The following PCDH15 variants were observed in gnomAD, a reference collection of about 807,000 sequenced individuals.
PCDH15 encodes protocadherin related 15, also known as protocadherin-15.
In PCDH15, 129 loss-of-function variants were observed where a neutral mutation model predicts 178.5. That is an observed-to-expected ratio of 0.72 (90% CI 0.63 to 0.84). The LOEUF is 0.84. Ranked by LOEUF, PCDH15 falls within the 40% of genes least tolerant of loss-of-function variation. The pLI is 0.00. For synonymous variants in PCDH15, 800 were observed against 732.0 expected (o/e 1.09, Z -1.50); for missense variants, 2,230 against 2,099.9 (o/e 1.06, Z -1.21).
At chr10:54,014,949 G>A (rs564839830) in intron 20 of PCDH15, among the ~76,000 whole-genome samples, 82 of 152,186 alleles carry the variant, frequency 5.4e-4, no homozygotes, top group African/African-American at 2.0e-3. Context: ...CACCCAATTA[G>A]GAAGAGAGGA....
intron 1 of PCDH15, among the ~76,000 whole-genome samples, chr10:55,263,126 A>G (rs1421390240): frequency 6.6e-6 from 1 of 152,170 alleles, no homozygotes; most frequent in East Asian, 1.9e-4. Flanking sequence ...GTGAAACTAT[A>G]GAATCAGTCT....
At chr10:54,247,935 AAT>A (rs147562225) in intron 8 of PCDH15, among the ~76,000 whole-genome samples, 7,437 of 139,126 alleles carry the variant, frequency 0.053, 467 homozygotes, top group African/African-American at 0.16. Context: ...TGCATGAAAG[AAT>A]ATATATATAT....
chr10:54,786,334 C>T (rs927957201), intron 1 of PCDH15, among the ~76,000 whole-genome samples: 1 of 152,136 alleles, frequency 6.6e-6, no homozygotes, highest in South Asian at 2.1e-4. Context: ...TACTACTTCA[C>T]TCTATTCCAC....
rs575193025 is a variant in PCDH15, at chr10:54,115,033, C to A, written c.1917+17842G>T. ...TGCAACTGACCACAAAAGGGCAGGGCGGTGGGCTGGAGCAGTCCAGTAGGG... is the reference window on the plus strand; with the variant it reads ...TGCAACTGACCACAAAAGGGCAGGGAGGTGGGCTGGAGCAGTCCAGTAGGG... On this transcript the variant is annotated intron_variant, in intron 15 of 37. Transcript: ENST00000644397. Among the ~76,000 whole-genome samples the A allele has an allele frequency of 4.6e-5, 7 of 152,148 alleles. No individual in the cohort carries two copies. The East Asian group carries it at 1.2e-3, about 25-fold the overall frequency.
At chr10:54,570,829 C>T (rs11004391) in intron 2 of PCDH15, among the ~76,000 whole-genome samples, 138,082 of 147,646 alleles carry the variant, frequency 0.94, 64,837 homozygotes, top group Non-Finnish European at 0.98. Context: ...TTTTTTTTTT[C>T]TTTTTTTTTT....
At chr10:54,678,745 T>C (rs1357007347) in intron 1 of PCDH15, among the ~76,000 whole-genome samples, 2 of 152,184 alleles carry the variant, frequency 1.3e-5, no homozygotes, top group Non-Finnish European at 2.9e-5. Flanking sequence ...CATAATATTA[T>C]ATCTGTAATA....
chr10:54,995,415 A>G (rs918303807), intron 2 of PCDH15, among the ~76,000 whole-genome samples: 1 of 149,984 alleles, frequency 6.7e-6, no homozygotes, highest in Admixed American at 6.6e-5. Context: ...AAGAAGGAAA[A>G]AAATTATCTT....
chr10:53,821,757 G>A (rs764327059), intron 32 of PCDH15: 8 of 1,556,288 alleles, frequency 5.1e-6, no homozygotes, highest in Non-Finnish European at 6.9e-6. Context: ...CATTGAATTT[G>A]GGGTAAAATA....
At chr10:53,897,560 C>T (rs530470737) in intron 26 of PCDH15, among the ~76,000 whole-genome samples, 45 of 151,252 alleles carry the variant, frequency 3.0e-4, no homozygotes, top group African/African-American at 1.0e-3. Flanking sequence ...GCATTTCAAC[C>T]ACTTTTCAGT....
At chr10:54,084,508 C>A (rs2094487509) in intron 16 of PCDH15, among the ~76,000 whole-genome samples, 1 of 151,922 alleles carries the variant, frequency 6.6e-6, no homozygotes, top group African/African-American at 2.4e-5. Context: ...AAAATTATCA[C>A]CTGTAGTCCC....
chr10:55,272,542 C>T (rs556835667), intron 1 of PCDH15, among the ~76,000 whole-genome samples: 42 of 151,852 alleles, frequency 2.8e-4, no homozygotes, highest in South Asian at 2.1e-4. Flanking sequence ...CCACCACACC[C>T]GGCTAATTTT....
At chr10:55,379,546 C>T (rs1837483522) in intron 2 of PCDH15, among the ~76,000 whole-genome samples, 1 of 151,896 alleles carries the variant, frequency 6.6e-6, no homozygotes, top group South Asian at 2.1e-4. Context: ...TTTAAAAACA[C>T]TACTTTATAT....
intron 21 of PCDH15, among the ~76,000 whole-genome samples, chr10:53,970,028 A>G (rs2926407): frequency 0.71 from 107,283 of 151,996 alleles, 38,247 homozygotes; most frequent in East Asian, 0.87. Flanking sequence ...TTAAATGTAA[A>G]TGGGCTGAAT....
chr10:54,909,177 C>A (rs61854520), intron 2 of PCDH15, among the ~76,000 whole-genome samples: 25,522 of 152,102 alleles, frequency 0.17, 2,716 homozygotes, highest in Non-Finnish European at 0.23. Context: ...AAAGGCACCA[C>A]GAGTTCTCAC....
intron 1 of PCDH15, among the ~76,000 whole-genome samples, chr10:55,280,564 C>T (rs1043280158): frequency 6.6e-6 from 1 of 150,500 alleles, no homozygotes; most frequent in Non-Finnish European, 1.5e-5. Flanking sequence ...GCTGGGATTA[C>T]AGGCGTGAGC....
intron 2 of PCDH15, among the ~76,000 whole-genome samples, chr10:55,129,353 C>G (rs1394825677): frequency 1.3e-5 from 2 of 152,048 alleles, no homozygotes; most frequent in African/African-American, 4.8e-5. Context: ...TTCCCAATGC[C>G]AGAGAAGAAC....
At chr10:55,323,493 A>G (rs115099114), upstream of PCDH15, among the ~76,000 whole-genome samples, 1,922 of 152,344 alleles carry the variant, frequency 0.013, 33 homozygotes, top group African/African-American at 0.044. Flanking sequence ...AGAGCTGCCC[A>G]AGATCATGGG....
At chr10:54,301,262 T>G (rs1161957125) in intron 8 of PCDH15, among the ~76,000 whole-genome samples, 1 of 152,120 alleles carries the variant, frequency 6.6e-6, no homozygotes, top group African/African-American at 2.4e-5. Context: ...TCAGACTCTT[T>G]GAGGTAGAGT....
At chr10:55,254,322 T>C (rs1271788098) in intron 1 of PCDH15, among the ~76,000 whole-genome samples, 2 of 152,206 alleles carry the variant, frequency 1.3e-5, no homozygotes, top group East Asian at 3.9e-4. Flanking sequence ...GGTTATAAAA[T>C]GGATGTCTCT....
Sources: gnomAD v4.1 joint callset for allele counts (sites outside exome capture counted in the v4.1 genomes callset) on GRCh38, gnomAD v4.1.1 for gene constraint, MANE v1.5 for transcripts, NCBI Gene and HGNC (gene_info 2026-07-23, HGNC 2026-07-21) for gene names.